The following PLD1 variants were observed in gnomAD, a reference collection of about 807,000 sequenced individuals.
The protein encoded by PLD1 is choline phosphatase 1.
In PLD1, 112 loss-of-function variants were observed where a neutral mutation model predicts 137.1. That is an observed-to-expected ratio of 0.82 (90% confidence interval 0.70 to 0.96). PLD1 has a LOEUF of 0.96. PLD1 is among the 40% of genes least tolerant of loss of function. The probability of loss-of-function intolerance (pLI) is 0.00; values close to 1 mark genes in which losing one functional copy is unlikely to be tolerated. For synonymous variants in PLD1, 431 were observed against 454.7 expected (o/e 0.95, Z 0.66); for missense variants, 1,321 against 1,342.0 (o/e 0.98, Z 0.24).
intron 25 of PLD1, among the ~76,000 whole-genome samples, chr3:171,608,151 A>C (rs1215533372): frequency 6.6e-6 from 1 of 152,220 alleles, no homozygotes; most frequent in Non-Finnish European, 1.5e-5. Context: ...AATGCGAAGT[A>C]AAAGAAAGCA....
chr3:171,801,992 T>C (rs1723668359), intron 1 of PLD1, among the ~76,000 whole-genome samples: 1 of 152,240 alleles, frequency 6.6e-6, no homozygotes, highest in South Asian at 2.1e-4. Flanking sequence ...ATTTTATTTC[T>C]CATCAGTTGA....
At chr3:171,647,557 C>T (rs937653727) in intron 21 of PLD1, among the ~76,000 whole-genome samples, 3 of 151,924 alleles carry the variant, frequency 2.0e-5, no homozygotes, top group East Asian at 3.9e-4. Context: ...TCAAGCAATT[C>T]TCCTGCCTCA....
At chr3:171,729,266 T>C (rs1718757212) in intron 6 of PLD1, among the ~76,000 whole-genome samples, 1 of 152,242 alleles carries the variant, frequency 6.6e-6, no homozygotes, top group Non-Finnish European at 1.5e-5. Context: ...ATTGAAATAA[T>C]GTTGCAATGC....
At chr3:171,800,381 G>C (rs1723597171) in intron 1 of PLD1, among the ~76,000 whole-genome samples, 1 of 152,012 alleles carries the variant, frequency 6.6e-6, no homozygotes, top group Non-Finnish European at 1.5e-5. Flanking sequence ...GCTAATTGTT[G>C]TATTTTTAGT....
intron 26 of PLD1, 57 bp downstream of exon 26, chr3:171,605,241 GC>G (rs1000067498): frequency 8.2e-6 from 8 of 973,256 alleles, no homozygotes; most frequent in African/African-American, 3.2e-5. Flanking sequence ...ATAACAATAT[GC>G]TTTTTGTGAT....
chr3:171,790,386 G>T (rs936419784), intron 1 of PLD1, among the ~76,000 whole-genome samples: 3 of 152,184 alleles, frequency 2.0e-5, no homozygotes, highest in Non-Finnish European at 2.9e-5. Context: ...GATTCATGAT[G>T]TTACGGTTAT....
intron 16 of PLD1, among the ~76,000 whole-genome samples, chr3:171,678,129 A>T (rs1293735707): frequency 6.6e-6 from 1 of 152,178 alleles, no homozygotes; most frequent in Non-Finnish European, 1.5e-5. Flanking sequence ...GGCAATAAAG[A>T]CACCATGCCA....
rs774218230 is a variant in PLD1 at position 171,735,587 on chromosome 3, T to A, written c.339A>T (p.Lys113Asn). ...YTIELTHGEFKWQVKRKFKHF... is the reference protein window; with the variant it reads ...YTIELTHGEFNWQVKRKFKHF... ...GCTTGAATTTCCTCTTAACTTGCCA[T>A]TTAAATTCCCCATGTGTTAATTCAA... is the stretch of plus-strand genomic sequence containing the variant. Residue 113 changes from lysine to asparagine, a missense_variant, in exon 4 of 27, where the codon AAA (lysine) becomes AAT (asparagine). By Grantham distance (94) the Lys-to-Asn change is moderately conservative (BLOSUM62 0). Transcript: ENST00000351298. The A allele has an allele frequency of 4.4e-5, 69 of 1,574,462 alleles. No homozygotes were observed. The highest frequency in any genetic ancestry group is 1.2e-5 in the Non-Finnish European group (14 of 1,144,060).
chr3:171,720,669 A>G (rs1718067205), intron 8 of PLD1, among the ~76,000 whole-genome samples: 1 of 152,210 alleles, frequency 6.6e-6, no homozygotes, highest in African/African-American at 2.4e-5. Context: ...TTAAATCCCA[A>G]AAATGTGACT....
chr3:171,692,500 A>G (rs986830775), intron 12 of PLD1, 58 bp from the exon 13 acceptor site: 44 of 856,356 alleles, frequency 5.1e-5, no homozygotes, highest in South Asian at 4.0e-4. Context: ...GTTACAATTC[A>G]TTTTCTTTTT....
rs1050787318 is a variant in PLD1 at position 171,655,936 on chromosome 3, GAACT to G, written c.2429+3273_2429+3276del. 5.9e-5 allele frequency among the ~76,000 whole-genome samples: 9 copies of G among 152,214 alleles called. No homozygotes were observed. The East Asian group carries it at 1.5e-3, about 26-fold the overall frequency. ...GACACAGGTTTATTTGAAATTTGATGAACTAATTTCCCATTTTTCACAAAGCAAA... is the reference window on the plus strand; with the variant it reads ...GACACAGGTTTATTTGAAATTTGATGAATTTCCCATTTTTCACAAAGCAAA... On this transcript the variant is annotated intron_variant, in intron 21 of 26. Coordinates refer to ENST00000351298, the MANE Select transcript of PLD1 (RefSeq NM_002662.5).
chr3:171,645,000 T>G lies in PLD1; in HGVS notation c.2453A>C (p.Tyr818Ser). 1 of 1,613,136 alleles carries G rather than the reference T, an allele frequency of 6.2e-7. No individual in the cohort carries two copies. Among genetic ancestry groups the G allele is most frequent in the Non-Finnish European group, 8.5e-7 (1 of 1,179,076 alleles). Residue 818 changes from tyrosine to serine, a missense_variant, in exon 22 of 27, where the codon TAT (tyrosine) becomes TCT (serine). By Grantham distance (144) the Tyr-to-Ser change is moderately radical. Coordinates refer to ENST00000351298, the MANE Select transcript of PLD1 (RefSeq NM_002662.5). ...AHRENQKYRV[Y>S]VVIPLLPGFE... ...CCCTGGCAGAAGTGGTATCACGACA[T>G]ATACCCGGTATTTCTGGTTTTCCCT...
At chr3:171,669,692 C>A (rs898734312) in intron 19 of PLD1, among the ~76,000 whole-genome samples, 3 of 152,204 alleles carry the variant, frequency 2.0e-5, no homozygotes, top group African/African-American at 4.8e-5. Context: ...TGAGCCACTG[C>A]GCCCAGCCTG....
At chr3:171,707,022 T>C (rs1052780956) in intron 11 of PLD1, among the ~76,000 whole-genome samples, 24 of 152,184 alleles carry the variant, frequency 1.6e-4, no homozygotes, top group African/African-American at 5.8e-4. Context: ...TGCAGCAACA[T>C]GGATGGAGCT....
intron 23 of PLD1, among the ~76,000 whole-genome samples, chr3:171,637,696 A>C (rs985085664): frequency 6.6e-6 from 1 of 152,178 alleles, no homozygotes; most frequent in Non-Finnish European, 1.5e-5. Flanking sequence ...AATTACACAA[A>C]CCTACTACAC....
chr3:171,699,862 AC>A lies in PLD1; in HGVS notation c.1146-37del, dbSNP rs772915520. On this transcript the variant is annotated intron_variant, in intron 11 of 26. Transcript: ENST00000351298. Reference sequence around the variant, plus strand: ...GAAACCAAGATTTTAAGTAACTAAAACAAAATATAAAGTTCTGATTGTGTCA... The same window carrying A: ...GAAACCAAGATTTTAAGTAACTAAAAAAAATATAAAGTTCTGATTGTGTCA... The A allele has an allele frequency of 4.0e-6, 6 of 1,518,928 alleles. No individual in the cohort carries two copies. The Admixed American group carries it at 1.0e-4, about 26-fold the overall frequency. The allele number at this position is 1,518,928 out of a possible 1,614,324, so 94.1% of individuals were successfully genotyped here. A position where few individuals can be genotyped will look rare whatever the true frequency, so the allele number is the denominator to read the frequency against.
At position 171,659,268 on chromosome 3, in the gene PLD1, C is replaced by G. The variant is rs146759449; in HGVS notation, c.2374G>C (p.Val792Leu). The change falls in exon 21 of 27, where the codon GTT (valine) becomes CTT (leucine). Residue 792 changes from valine (V) to leucine (L), a missense_variant. Val to Leu is a conservative substitution (Grantham distance 32). Transcript: ENST00000351298. ...GCATCGCCTATCTTGTTGAACACAA[C>G]TTTGTCATCAGCACAGCTTATGAAA... The part of the protein sequence containing the change: ...QFFISCADDK[V>L]VFNKIGDAIA... The G allele has an allele frequency of 4.0e-4, 643 of 1,613,572 alleles. 4 individuals carry two copies. The African/African-American group carries it at 7.9e-3, about 20-fold the overall frequency.
intron 1 of PLD1, among the ~76,000 whole-genome samples, chr3:171,776,438 G>T (rs1722593866): frequency 6.6e-6 from 1 of 152,176 alleles, no homozygotes; most frequent in South Asian, 2.1e-4. Flanking sequence ...AGTTCTGATT[G>T]GTGATCCAGA....
intron 23 of PLD1, among the ~76,000 whole-genome samples, chr3:171,623,293 G>A (rs944327921): frequency 1.3e-5 from 2 of 151,254 alleles, no homozygotes; most frequent in African/African-American, 2.4e-5. Context: ...GAAAAGCTAT[G>A]AGTCATTAGC....
Sources: gnomAD v4.1 joint callset for allele counts (sites outside exome capture counted in the v4.1 genomes callset) on GRCh38, gnomAD v4.1.1 for gene constraint, MANE v1.5 for transcripts, NCBI Gene and HGNC (gene_info 2026-07-23, HGNC 2026-07-21) for gene names.